The following COLEC11 variants were observed in gnomAD, a reference collection of about 807,000 sequenced individuals.
COLEC11 encodes collectin subfamily member 11, also known as collectin-11.
COLEC11 carries 20 observed loss-of-function variants against 27.3 expected under a neutral mutation model. The observed-to-expected ratio is 0.73, with a 90% CI of 0.51 to 1.06. The LOEUF is 1.06. Ranked by LOEUF, COLEC11 falls within the 50% of genes least tolerant of loss-of-function variation. The pLI, the probability that COLEC11 is intolerant of heterozygous loss-of-function variation, is 0.00. For missense variants in COLEC11, 310 were observed against 383.0 expected, an observed-to-expected ratio of 0.81 and a Z score of 1.59; for synonymous variants, 163 against 154.7, an observed-to-expected ratio of 1.05 and a Z score of -0.40.
At chr2:3,641,926 A>G (rs1400347198) in intron 5 of COLEC11, among the ~76,000 whole-genome samples, 1 of 152,236 alleles carries the variant, frequency 6.6e-6, no homozygotes, top group Non-Finnish European at 1.5e-5. Flanking sequence ...GGGCAGGCCC[A>G]GGCTCCGATC....
At chr2:3,600,877 T>G (rs189318727) in intron 1 of COLEC11, among the ~76,000 whole-genome samples, 1 of 152,346 alleles carries the variant, frequency 6.6e-6, no homozygotes, top group Admixed American at 6.5e-5. Context: ...TGTGTGTATC[T>G]GACATTTTCC....
chr2:3,598,173 T>A (rs1407772802), intron 1 of COLEC11, among the ~76,000 whole-genome samples: 2 of 152,116 alleles, frequency 1.3e-5, no homozygotes, highest in Non-Finnish European at 2.9e-5. Context: ...TGACCTCAGG[T>A]GATCCACCCA....
chr2:3,626,889 G>A (rs1304223124), intron 3 of COLEC11, among the ~76,000 whole-genome samples: 1 of 152,120 alleles, frequency 6.6e-6, no homozygotes, highest in Non-Finnish European at 1.5e-5. Context: ...GGCCCCAGGG[G>A]GCGCAGATGG....
intron 1 of COLEC11, among the ~76,000 whole-genome samples, chr2:3,598,444 A>C (rs140222007): frequency 4.5e-4 from 69 of 152,298 alleles, no homozygotes; most frequent in African/African-American, 1.5e-3. Context: ...TTACTCATTC[A>C]CTTGTTCACT....
At chr2:3,608,592 G>A (rs539188771) in intron 2 of COLEC11, among the ~76,000 whole-genome samples, 51 of 152,346 alleles carry the variant, frequency 3.3e-4, no homozygotes, top group African/African-American at 1.1e-3. Context: ...GGAAGCCGAG[G>A]TGGGAGGATG....
chr2:3,606,621 C>G (rs1662722343), intron 2 of COLEC11, among the ~76,000 whole-genome samples: 1 of 152,210 alleles, frequency 6.6e-6, no homozygotes, highest in Admixed American at 6.5e-5. Context: ...CAGTGACTTA[C>G]AAAGCACTAA....
At chr2:3,609,533 C>CTT in intron 2 of COLEC11, among the ~76,000 whole-genome samples, 1 of 70,662 alleles carries the variant, frequency 1.4e-5, no homozygotes, top group East Asian at 4.6e-4. Flanking sequence ...ACACATCCTG[C>CTT]TATTTTTTTT....
Position 3,602,260 on chromosome 2 carries a change from C to T in COLEC11, c.-26-2055C>T, listed in dbSNP as rs1286370139. ...GAGAGAAAATGGAGGGTACCCTGAC[C>T]CCCAAGCCTTGCAAACCGAACCATT... On this transcript the variant is annotated intron_variant, in intron 1 of 6. Transcript: ENST00000349077. The surrounding 1 kb of genome is among the most constrained non-coding windows in gnomAD (Gnocchi z 6.2). Among the ~76,000 whole-genome samples, 1 of 152,082 alleles carries T rather than the reference C, an allele frequency of 6.6e-6. No individual in the cohort carries two copies. The highest frequency in any genetic ancestry group is 6.5e-5 in the Admixed American group (1 of 15,276).
chr2:3,626,984 C>G (rs1037442330), intron 3 of COLEC11, among the ~76,000 whole-genome samples: 1 of 152,180 alleles, frequency 6.6e-6, no homozygotes, highest in Non-Finnish European at 1.5e-5. Flanking sequence ...CCTGCCAACT[C>G]CCCTGGCCCA....
At position 3,604,415 on chromosome 2, in the gene COLEC11, T is replaced by C. The variant is rs774158839; in HGVS notation, c.75T>C (p.Pro25=). 6.2e-7 allele frequency: 1 copy of C among 1,614,220 alleles called. No homozygotes were observed. The highest frequency in any genetic ancestry group is 1.1e-5 in the South Asian group (1 of 91,084). The change falls in exon 2 of 7, where the codon CCT becomes CCC. Residue 25 remains proline (P), a synonymous_variant. Coordinates refer to ENST00000349077, the MANE Select transcript of COLEC11 (RefSeq NM_024027.5). Reference sequence around the variant, plus strand: ...TGTCACTGCTGCCATCTGGACATCCTCAGCCGGCTGGCGATGACGCCTGCT... The same window carrying C: ...TGTCACTGCTGCCATCTGGACATCCCCAGCCGGCTGGCGATGACGCCTGCT... ...AFLSLLPSGH[P]QPAGDDACSV...
chr2:3,641,227 C>G, intron 5 of COLEC11: 1 of 1,304,276 alleles, frequency 7.7e-7, no homozygotes, highest in Non-Finnish European at 1.0e-6. Context: ...AATAAAAGTC[C>G]TTGTTTTAAA....
At chr2:3,603,715 TC>T in intron 1 of COLEC11, 1 of 1,538,276 alleles carries the variant, frequency 6.5e-7, no homozygotes, top group South Asian at 1.2e-5. Context: ...ACACCCCTCT[TC>T]CTATGGGCTC....
At chr2:3,622,434 T>G (rs1439572444) in intron 3 of COLEC11, among the ~76,000 whole-genome samples, 1 of 152,242 alleles carries the variant, frequency 6.6e-6, no homozygotes, top group Admixed American at 6.5e-5. Context: ...ACATAACCAT[T>G]ACACCATCAG....
At chr2:3,630,957 T>G (rs1664949991) in intron 3 of COLEC11, among the ~76,000 whole-genome samples, 1 of 152,210 alleles carries the variant, frequency 6.6e-6, no homozygotes, top group Non-Finnish European at 1.5e-5. Flanking sequence ...GTTACAATTT[T>G]GAAGAAATGC....
intron 2 of COLEC11, among the ~76,000 whole-genome samples, chr2:3,610,328 C>G (rs1663090400): frequency 6.6e-6 from 1 of 152,192 alleles, no homozygotes; most frequent in South Asian, 2.1e-4. Flanking sequence ...ATGAGAAGAG[C>G]TGGCAGACCT....
intron 3 of COLEC11, among the ~76,000 whole-genome samples, chr2:3,625,129 C>T (rs569496900): frequency 7.2e-5 from 11 of 152,316 alleles, no homozygotes; most frequent in Non-Finnish European, 1.0e-4. Flanking sequence ...TGATCCAAGG[C>T]GGCAAGGATT....
intron 5 of COLEC11, among the ~76,000 whole-genome samples, chr2:3,641,825 G>C (rs1665890246): frequency 6.6e-6 from 1 of 152,150 alleles, no homozygotes; most frequent in Non-Finnish European, 1.5e-5. Flanking sequence ...CAGACTGCAG[G>C]GTGGGCTGAG....
chr2:3,636,379 C>T (rs987107638), intron 3 of COLEC11, among the ~76,000 whole-genome samples: 13 of 152,120 alleles, frequency 8.5e-5, no homozygotes, highest in African/African-American at 2.4e-4. Context: ...GGTGTGAACC[C>T]GGGAGGTGGA....
intron 3 of COLEC11, among the ~76,000 whole-genome samples, chr2:3,633,388 C>CG (rs1420684792): frequency 2.6e-5 from 4 of 152,282 alleles, no homozygotes; most frequent in African/African-American, 9.6e-5. Flanking sequence ...TTAGCCATCT[C>CG]TGAATCACAC....
Sources: gnomAD v4.1 joint callset for allele counts (sites outside exome capture counted in the v4.1 genomes callset) on GRCh38, gnomAD v4.1.1 for gene constraint, Gnocchi (gnomAD v3.1) non-coding constraint, MANE v1.5 for transcripts, NCBI Gene and HGNC (gene_info 2026-07-23, HGNC 2026-07-21) for gene names.